Variants in STMND1 observed in about 807,000 individuals in gnomAD.
The protein encoded by STMND1 is stathmin domain containing 1.
Under a neutral mutation model 23.0 loss-of-function variants are expected in STMND1, and 17 were observed. The observed-to-expected ratio is 0.74, with a 90% CI of 0.51 to 1.11. The LOEUF is 1.11. Among genes scored for constraint, STMND1 ranks in the 50% least tolerant of loss-of-function variants. The probability of loss-of-function intolerance (pLI) is 0.00; values close to 1 mark genes in which losing one functional copy is unlikely to be tolerated. For synonymous variants in STMND1, 114 were observed against 119.9 expected (o/e 0.95, Z 0.32); for missense variants, 305 against 329.1 (o/e 0.93, Z 0.57).
At chr6:17,108,963 CTT>C (rs1761062219) in intron 1 of STMND1, among the ~76,000 whole-genome samples, 1 of 151,958 alleles carries the variant, frequency 6.6e-6, no homozygotes, top group Admixed American at 6.6e-5. Context: ...TCCCAATTTC[CTT>C]TTCTTTTGTT....
chr6:17,107,356 C>A (rs1240092737), intron 1 of STMND1, among the ~76,000 whole-genome samples: 3 of 152,176 alleles, frequency 2.0e-5, no homozygotes, highest in Non-Finnish European at 2.9e-5. Context: ...CTAATGATTT[C>A]TGTGCATAGC....
chr6:17,126,071 T>TATATATATATA (rs35991617), intron 3 of STMND1, among the ~76,000 whole-genome samples: 28 of 15,740 alleles, frequency 1.8e-3, no homozygotes, highest in South Asian at 4.2e-3. Context: ...TATATATATA[T>TATATATATATA]TTTTTTTTTT....
At chr6:17,114,883 A>T in intron 1 of STMND1, 79 bp from the exon 2 acceptor site, 3 of 1,394,118 alleles carry the variant, frequency 2.2e-6, no homozygotes, top group Middle Eastern at 2.6e-4. Context: ...CTGGCTAAAT[A>T]TTCACAAAGC....
chr6:17,114,245 A>G (rs1287792758), intron 1 of STMND1, among the ~76,000 whole-genome samples: 1 of 151,392 alleles, frequency 6.6e-6, no homozygotes, highest in Admixed American at 6.6e-5. Flanking sequence ...ACAGTGACAG[A>G]TTATCAGGCA....
At chr6:17,130,212 G>A (rs1761368863) in intron 4 of STMND1, among the ~76,000 whole-genome samples, 1 of 152,152 alleles carries the variant, frequency 6.6e-6, no homozygotes, top group Non-Finnish European at 1.5e-5. Context: ...CTGGGGGCAG[G>A]AGTAAAGGCA....
chr6:17,118,553 C>G (rs1761189225), intron 2 of STMND1, among the ~76,000 whole-genome samples: 1 of 152,150 alleles, frequency 6.6e-6, no homozygotes, highest in Non-Finnish European at 1.5e-5. Context: ...CCAGGAATCT[C>G]TGTATAAGTT....
chr6:17,104,022 A>T (rs1760982158), intron 1 of STMND1, among the ~76,000 whole-genome samples: 1 of 151,884 alleles, frequency 6.6e-6, no homozygotes, highest in African/African-American at 2.4e-5. Flanking sequence ...CTCTAATGTC[A>T]TCCTCTTCTC....
At chr6:17,126,056 ATATATATATATATATTTTTTTTT>A (rs1761294245) in intron 3 of STMND1, among the ~76,000 whole-genome samples, 2 of 22,596 alleles carry the variant, frequency 8.9e-5, no homozygotes, top group South Asian at 2.6e-3. Context: ...ATATATATAT[ATATATATATATATATTTTTTTTT>A]TTTTTTTTTT....
intron 3 of STMND1, chr6:17,128,868 A>G (rs908394027): frequency 3.9e-5 from 13 of 336,462 alleles, no homozygotes; most frequent in African/African-American, 1.9e-4. Flanking sequence ...ACACACCACC[A>G]TGCCTGGCTA....
chr6:17,120,840 A>G (rs1052828976), intron 3 of STMND1, 82 bp downstream of exon 3: 14 of 1,160,616 alleles, frequency 1.2e-5, no homozygotes, highest in Non-Finnish European at 1.5e-5. Flanking sequence ...TATTTCCAGC[A>G]TATGCAAGTT....
At chr6:17,115,372 TAAAAAAAAAAA>T (rs75171969) in intron 2 of STMND1, among the ~76,000 whole-genome samples, 1 of 116,102 alleles carries the variant, frequency 8.6e-6, no homozygotes, top group East Asian at 2.4e-4. Context: ...GGACCATCTT[TAAAAAAAAAAA>T]AAAAAAAAAA....
At position 17,114,963 on chromosome 6, in the gene STMND1, C is replaced by A. The variant is rs773634151; in HGVS notation, c.83C>A (p.Ala28Asp). The change falls in exon 2 of 5, where the codon GCT becomes GAT. Residue 28 changes from alanine to aspartate, a missense_variant and splice_region_variant. Coordinates refer to ENST00000536551, the MANE Select transcript of STMND1 (RefSeq NM_001190766.2). ...AACAAAACTGTTCCCTTTTCACAGG[C>A]TGATGTCAGTGTGCCTCATACTGGG... is the stretch of plus-strand genomic sequence containing the variant. ...PKKGWKEEFK[A>D]DVSVPHTGEN... 1.3e-5 allele frequency: 19 copies of A among 1,513,348 alleles called. No homozygotes were observed. The Admixed American group carries it at 4.2e-4, about 33-fold the overall frequency. The allele number at this position is 1,513,348 out of a possible 1,614,324, so 93.7% of individuals were successfully genotyped here.
At chr6:17,103,686 C>T (rs947320070) in intron 1 of STMND1, among the ~76,000 whole-genome samples, 1 of 150,606 alleles carries the variant, frequency 6.6e-6, no homozygotes, top group Non-Finnish European at 1.5e-5. Context: ...ATTCTCCTGC[C>T]TCAGCCTCCT....
intron 1 of STMND1, among the ~76,000 whole-genome samples, chr6:17,109,864 TC>T (rs1761074695): frequency 6.6e-6 from 1 of 152,222 alleles, no homozygotes; most frequent in African/African-American, 2.4e-5. Context: ...TAGAAAACCC[TC>T]CTGATGATTT....
intron 1 of STMND1, among the ~76,000 whole-genome samples, chr6:17,102,702 G>C (rs1760959854): frequency 6.6e-6 from 1 of 152,176 alleles, no homozygotes; most frequent in South Asian, 2.1e-4. Flanking sequence ...AGCTAGTGTT[G>C]ACCGTGATTC....
intron 4 of STMND1, among the ~76,000 whole-genome samples, chr6:17,130,039 C>T (rs554357028): frequency 2.0e-5 from 3 of 152,140 alleles, no homozygotes; most frequent in Middle Eastern, 3.4e-3. Context: ...CTATATGTTT[C>T]GTGGTTTTTC....
chr6:17,126,070 ATTTTT>A (rs1189845838), intron 3 of STMND1, among the ~76,000 whole-genome samples: 209 of 20,170 alleles, frequency 0.01, 1 homozygote, highest in Middle Eastern at 0.062. Context: ...ATATATATAT[ATTTTT>A]TTTTTTTTTT....
chr6:17,104,780 G>A (rs1402830750), intron 1 of STMND1, among the ~76,000 whole-genome samples: 2 of 152,188 alleles, frequency 1.3e-5, no homozygotes, highest in Admixed American at 6.5e-5. Context: ...CCATGGTCAA[G>A]AGTATGACAA....
At chr6:17,126,066 ATATATT>A (rs1761297740) in intron 3 of STMND1, among the ~76,000 whole-genome samples, 1 of 23,296 alleles carries the variant, frequency 4.3e-5, no homozygotes, top group African/African-American at 2.1e-4. Flanking sequence ...ATATATATAT[ATATATT>A]TTTTTTTTTT....
Sources: gnomAD v4.1 joint callset for allele counts (sites outside exome capture counted in the v4.1 genomes callset) on GRCh38, gnomAD v4.1.1 for gene constraint, MANE v1.5 for transcripts, NCBI Gene and HGNC (gene_info 2026-07-23, HGNC 2026-07-21) for gene names.